TMEM120B: variants seen among roughly 807,000 people sequenced by gnomAD.
The protein encoded by TMEM120B is transmembrane protein 120B.
TMEM120B carries 31 observed loss-of-function variants against 55.5 expected under a neutral mutation model. The observed-to-expected ratio is 0.56, with a 90% CI of 0.42 to 0.75. The LOEUF is 0.75. TMEM120B is among the 30% of genes least tolerant of loss of function. TMEM120B has a pLI of 0.00. For missense variants in TMEM120B, 399 were observed against 425.5 expected (o/e 0.94, Z 0.55); for synonymous variants, 203 against 176.3 (o/e 1.15, Z -1.20).
chr12:121,724,559 G>A (rs7969352), intron 1 of TMEM120B, among the ~76,000 whole-genome samples: 6,094 of 150,370 alleles, frequency 0.041, 431 homozygotes, highest in African/African-American at 0.14. Context: ...TGCCTTAACT[G>A]TTTCATAATA....
chr12:121,720,626 G>A (rs1257374711), intron 1 of TMEM120B, among the ~76,000 whole-genome samples: 2 of 152,016 alleles, frequency 1.3e-5, no homozygotes, highest in Non-Finnish European at 2.9e-5. Context: ...GAGGAGGATC[G>A]CCTGAGCCCA....
rs1247878254 is a variant in TMEM120B, at chr12:121,778,589, G to T, written c.*2867G>T. On this transcript the variant is annotated 3_prime_UTR_variant, in exon 12 of 12. Coordinates refer to ENST00000449592, the MANE Select transcript of TMEM120B (RefSeq NM_001080825.2). Reference sequence around the variant, plus strand: ...GAGAAACTGTCCCGCGTGGACAGGGGGTAGATCCCATCAGTTCTCAAAGGA... The same window carrying T: ...GAGAAACTGTCCCGCGTGGACAGGGTGTAGATCCCATCAGTTCTCAAAGGA... 6.6e-6 allele frequency: 1 copy of T among 152,128 alleles called. No homozygotes were observed. Among genetic ancestry groups the T allele is most frequent in the African/African-American group, 2.4e-5 (1 of 41,376 alleles). The allele number at this position is 152,128 out of a possible 1,614,324, so 9.4% of individuals were successfully genotyped here.
intron 6 of TMEM120B, among the ~76,000 whole-genome samples, chr12:121,770,398 C>T (rs1460076134): frequency 6.6e-6 from 1 of 152,166 alleles, no homozygotes; most frequent in Non-Finnish European, 1.5e-5. Context: ...CAAATACAGT[C>T]ACGGACGTTC....
Position 121,775,088 on chromosome 12 carries a change from G to A in TMEM120B, c.864G>A (p.Thr288=), listed in dbSNP as rs771796652. ...GHFWQLYNAV[T]LFELSSHEEC... ...TCTGGCAGCTCTACAATGCCGTCAC[G>A]CTGTTTGAGCTCTCCAGCCACGAGG... Residue 288 remains threonine (T), a synonymous_variant, in exon 11 of 12, where the codon ACG becomes ACA. Transcript: ENST00000449592. This position sits in a 1 kb window ranked among gnomAD's most constrained non-coding sequence, Gnocchi z 4.3. 10 of 1,608,018 alleles carry A rather than the reference G, an allele frequency of 6.2e-6. No individual in the cohort carries two copies. The highest frequency in any genetic ancestry group is 2.7e-5 in the African/African-American group (2 of 73,978).
intron 1 of TMEM120B, among the ~76,000 whole-genome samples, chr12:121,714,222 C>T (rs575960033): frequency 6.6e-6 from 1 of 152,150 alleles, no homozygotes; most frequent in Non-Finnish European, 1.5e-5. Context: ...TTTGGCTCCA[C>T]TCCCACGGAG....
chr12:121,769,715 C>CGTGGGTGTGT (rs1873970121), intron 6 of TMEM120B, among the ~76,000 whole-genome samples: 1 of 148,318 alleles, frequency 6.7e-6, no homozygotes, highest in Non-Finnish European at 1.5e-5. Context: ...AAAGAGAAAA[C>CGTGGGTGTGT]GTGTGTGTGT....
In TMEM120B at chr12:121,749,796, C is replaced by T. The variant is rs549428528; in HGVS notation, c.306-584C>T. On this transcript the variant is annotated intron_variant, in intron 3 of 11. Transcript: ENST00000449592. Reference sequence around the variant, plus strand: ...TGGCACGTGCCTGTAATCCCAGCTACTTGGGAGGCTGAGGCAGCAGAATTG... The same window carrying T: ...TGGCACGTGCCTGTAATCCCAGCTATTTGGGAGGCTGAGGCAGCAGAATTG... 6.6e-5 allele frequency among the ~76,000 whole-genome samples: 10 copies of T among 151,762 alleles called. No homozygotes were observed. The South Asian group carries it at 1.5e-3, about 22-fold the overall frequency.
At chr12:121,751,887 C>G (rs1873341603) in intron 4 of TMEM120B, among the ~76,000 whole-genome samples, 1 of 152,202 alleles carries the variant, frequency 6.6e-6, no homozygotes, top group African/African-American at 2.4e-5. Context: ...CTGTCCCCAG[C>G]ATGGGCCCAG....
In TMEM120B at chr12:121,779,673, G is replaced by A. The variant is rs1168793835; in HGVS notation, c.*3951G>A. On this transcript the variant is annotated 3_prime_UTR_variant, in exon 12 of 12. Coordinates refer to ENST00000449592, the MANE Select transcript of TMEM120B (RefSeq NM_001080825.2). The stretch of plus-strand genomic sequence containing the variant: ...GCAGGCGCTCAGGCCCTGGGTGGGG[G>A]GAGGAGCCAGCATTAGGTGAGGGGC... The A allele has an allele frequency of 1.2e-6, 2 of 1,613,416 alleles. No homozygotes were observed. The highest frequency in any genetic ancestry group is 1.7e-6 in the Non-Finnish European group (2 of 1,179,694).
At position 121,780,847 on chromosome 12, in the gene TMEM120B, C is replaced by G. The variant is rs778748619; in HGVS notation, c.*5125C>G. On this transcript the variant is annotated 3_prime_UTR_variant, in exon 12 of 12. Transcript: ENST00000449592. Reference sequence around the variant, plus strand: ...GGGAGGCTTCACAGCCACGGCTGTGCCCCAGGGTCTTGGCCCCGGCCCACC... The same window carrying G: ...GGGAGGCTTCACAGCCACGGCTGTGGCCCAGGGTCTTGGCCCCGGCCCACC... The G allele has an allele frequency of 6.2e-7, 1 of 1,605,934 alleles. No homozygotes were observed. The highest frequency in any genetic ancestry group is 1.7e-5 in the Admixed American group (1 of 59,080).
rs912574532 is a variant in TMEM120B, at chr12:121,778,633, C to T, written c.*2911C>T. On this transcript the variant is annotated 3_prime_UTR_variant, in exon 12 of 12. Coordinates refer to ENST00000449592, the MANE Select transcript of TMEM120B (RefSeq NM_001080825.2). Reference sequence around the variant, plus strand: ...CAAAGGAGGCCAGGATGTCTCGCCTCCTGAACTCCACAGGCTGGTAGAAGC... The same window carrying T: ...CAAAGGAGGCCAGGATGTCTCGCCTTCTGAACTCCACAGGCTGGTAGAAGC... The T allele has an allele frequency of 6.6e-6, 1 of 151,816 alleles. No homozygotes were observed. The highest frequency in any genetic ancestry group is 1.5e-5 in the Non-Finnish European group (1 of 67,996). 9.4% of individuals were successfully genotyped at this position (151,816 alleles called of 1,614,324 possible).
rs557506590 is a variant in TMEM120B, at chr12:121,780,027, A to C, written c.*4305A>C. On this transcript the variant is annotated 3_prime_UTR_variant, in exon 12 of 12. Transcript: ENST00000449592. ...TCCAGCCACCTCTCTCCCTTCTCTG[A>C]AAGTACCATTTAGGCAAATTAATTT... 9.5e-6 allele frequency: 2 copies of C among 211,086 alleles called. No individual in the cohort carries two copies. The highest frequency in any genetic ancestry group is 2.7e-4 in the South Asian group (2 of 7,296). The allele number at this position is 211,086 out of a possible 1,614,324, so 13.1% of individuals were successfully genotyped here.
rs911106301 is a variant in TMEM120B at position 121,781,125 on chromosome 12, A to G, written c.*5403A>G. ...CGTAGCTGGTGGGATTCATGACGTC[A>G]TAGCAGATGAGCACGAGGTGGGTGT... On this transcript the variant is annotated 3_prime_UTR_variant, in exon 12 of 12. Transcript: ENST00000449592. 1.7e-5 allele frequency: 27 copies of G among 1,614,114 alleles called. No homozygotes were observed. The highest frequency in any genetic ancestry group is 2.1e-5 in the Non-Finnish European group (25 of 1,180,044).
chr12:121,776,369 A>C lies in TMEM120B; in HGVS notation c.*647A>C, dbSNP rs554781659. 2 of 155,284 alleles carry C rather than the reference A, an allele frequency of 1.3e-5. No homozygotes were observed. The highest frequency in any genetic ancestry group is 4.0e-4 in the South Asian group (2 of 5,042). The allele number at this position is 155,284 out of a possible 1,614,324, so 9.6% of individuals were successfully genotyped here. A position where few individuals can be genotyped will look rare whatever the true frequency, so the allele number is the denominator to read the frequency against. On this transcript the variant is annotated 3_prime_UTR_variant, in exon 12 of 12. Transcript: ENST00000449592. ...GGGCCCTGGGTCGTCCAAGGGGACA[A>C]GGACGTTCCCGTCTGTGCTTCGGGG...
At position 121,771,142 on chromosome 12, in the gene TMEM120B, C is replaced by A. The variant is rs114979626; in HGVS notation, c.617+170C>A. On this transcript the variant is annotated intron_variant, in intron 7 of 11. Transcript: ENST00000449592. ...CGGGCTGCGCGGGCCCCACCCAGCC[C>A]GTGAGGGGTTCTCCAGGGAATGGTT... is the stretch of plus-strand genomic sequence containing the variant. Among the ~76,000 whole-genome samples the A allele has an allele frequency of 3.9e-3, 591 of 152,224 alleles. 6 individuals carry two copies. The highest frequency in any genetic ancestry group is 0.013 in the African/African-American group (547 of 41,522).
chr12:121,761,088 C>T (rs1484622426), intron 5 of TMEM120B, among the ~76,000 whole-genome samples: 1 of 152,084 alleles, frequency 6.6e-6, no homozygotes, highest in Non-Finnish European at 1.5e-5. Context: ...AAGCAATTCT[C>T]CTACCTCAGC....
Position 121,777,674 on chromosome 12 carries a change from C to T in TMEM120B, c.*1952C>T, listed in dbSNP as rs117719462. On this transcript the variant is annotated 3_prime_UTR_variant, in exon 12 of 12. Transcript: ENST00000449592. Reference sequence around the variant, plus strand: ...AGGGCCAGATGGCAACTATTTTGAGCTTTATGGGCCAGGTGGTTTGTGGCA... The same window carrying T: ...AGGGCCAGATGGCAACTATTTTGAGTTTTATGGGCCAGGTGGTTTGTGGCA... 2,524 of 152,328 alleles carry T rather than the reference C, an allele frequency of 0.017. 29 individuals carry two copies. Among genetic ancestry groups the T allele is most frequent in the Non-Finnish European group, 0.031 (2,084 of 68,016 alleles). 9.4% of individuals were successfully genotyped at this position (152,328 alleles called of 1,614,324 possible). A position where few individuals can be genotyped will look rare whatever the true frequency, so the allele number is the denominator to read the frequency against.
intron 1 of TMEM120B, among the ~76,000 whole-genome samples, chr12:121,727,388 G>A (rs1389176604): frequency 6.6e-6 from 1 of 151,550 alleles, no homozygotes; most frequent in Non-Finnish European, 1.5e-5. Context: ...AATAAAAAAT[G>A]AGCCAGGCAT....
At chr12:121,727,868 C>CAA in intron 1 of TMEM120B, among the ~76,000 whole-genome samples, 1 of 98,652 alleles carries the variant, frequency 1.0e-5, no homozygotes, top group South Asian at 4.0e-4. Context: ...AGCGACACTC[C>CAA]ATCTCAAAAA....
Sources: allele counts gnomAD v4.1 joint callset (sites outside exome capture counted in the v4.1 genomes callset), GRCh38; gene constraint gnomAD v4.1.1; non-coding constraint Gnocchi (gnomAD v3.1); transcripts MANE v1.5; gene names NCBI Gene and HGNC (gene_info 2026-07-23, HGNC 2026-07-21).